SOS1: variants seen among roughly 807,000 people sequenced by gnomAD.
The protein encoded by SOS1 is SOS Ras/Rac guanine nucleotide exchange factor 1.
A neutral mutation model predicts 157.6 loss-of-function variants in SOS1; 25 were observed. That is an observed-to-expected ratio of 0.16 (90% CI 0.12 to 0.22). The LOEUF (loss-of-function observed/expected upper bound fraction) is 0.22, where lower values mean the gene tolerates loss of function less well. Among genes scored for constraint, SOS1 ranks in the 10% least tolerant of loss-of-function variants. The pLI is 1.00. For synonymous variants in SOS1, 528 were observed against 534.0 expected, an observed-to-expected ratio of 0.99 and a Z score of 0.16; for missense variants, 1,237 against 1,599.1, an observed-to-expected ratio of 0.77 and a Z score of 3.86.
chr2:39,087,742 C>T (rs1672430318), intron 1 of SOS1, among the ~76,000 whole-genome samples: 1 of 152,154 alleles, frequency 6.6e-6, no homozygotes, highest in African/African-American at 2.4e-5. Context: ...AATCTTGGTT[C>T]ACTGCAACCT....
rs564006859 is a variant in SOS1, at chr2:39,060,573, G to A, written c.214-1769C>T. Among the ~76,000 whole-genome samples the A allele has an allele frequency of 2.6e-5, 4 of 152,256 alleles. No individual in the cohort carries two copies. The South Asian group carries it at 6.2e-4, about 24-fold the overall frequency. On this transcript the variant is annotated intron_variant, in intron 2 of 22. Coordinates refer to ENST00000402219, the MANE Select transcript of SOS1 (RefSeq NM_005633.4). ...CCCAAGTAGCTGGCATTACAGGCGT[G>A]TGCTACCATGCCCAGCTAATTTTTG...
chr2:38,986,220 G>A lies in SOS1; in HGVS notation c.3606C>T (p.Thr1202=), dbSNP rs1297084560. ...YSPRYSISDR[T]SISDPPESPP... ...GGCTTTCAGGAGGGTCTGAGATAGA[G>A]GTCCGGTCTGATATTGAATATCGTG... Residue 1202 remains threonine, a synonymous_variant, in exon 23 of 23, where the codon ACC becomes ACT. Coordinates refer to ENST00000402219, the MANE Select transcript of SOS1 (RefSeq NM_005633.4). 6.2e-7 allele frequency: 1 copy of A among 1,613,776 alleles called. No individual in the cohort carries two copies. Among genetic ancestry groups the A allele is most frequent in the Non-Finnish European group, 8.5e-7 (1 of 1,179,904 alleles).
At chr2:39,119,165 A>G (rs1279119635) in intron 1 of SOS1, among the ~76,000 whole-genome samples, 1 of 152,232 alleles carries the variant, frequency 6.6e-6, no homozygotes, top group East Asian at 1.9e-4. Context: ...ATTTCTAAGG[A>G]GTAAAGTATG....
At chr2:39,005,836 T>C (rs905426489) in intron 17 of SOS1, among the ~76,000 whole-genome samples, 2 of 150,820 alleles carry the variant, frequency 1.3e-5, no homozygotes. Flanking sequence ...AAGATGAGAG[T>C]AGGAAAGAGA....
chr2:39,122,963 G>C (rs925446608), upstream of SOS1, among the ~76,000 whole-genome samples: 1 of 152,122 alleles, frequency 6.6e-6, no homozygotes, highest in Admixed American at 6.5e-5. Flanking sequence ...ATTGCTCTTA[G>C]AATACATTTC....
At chr2:39,016,488 C>T (rs1205040018) in intron 10 of SOS1, among the ~76,000 whole-genome samples, 2 of 152,080 alleles carry the variant, frequency 1.3e-5, no homozygotes, top group African/African-American at 4.8e-5. Flanking sequence ...GATTTTAATA[C>T]AGAGATTTTT....
rs138673117 is a variant in SOS1 at position 39,036,761 on chromosome 2, G to T, written c.865-1261C>A. ...GCTATTTTTTTTTGTATTTTTAGTA[G>T]AGACAGGGTTTCACCGTGTAAGCCA... On this transcript the variant is annotated intron_variant, in intron 6 of 22. Coordinates refer to ENST00000402219, the MANE Select transcript of SOS1 (RefSeq NM_005633.4). Among the ~76,000 whole-genome samples, 254 of 151,806 alleles carry T rather than the reference G, an allele frequency of 1.7e-3. 2 individuals are homozygous for T. Among genetic ancestry groups the T allele is most frequent in the African/African-American group, 5.6e-3 (232 of 41,318 alleles).
At chr2:38,990,152 T>C (rs1048754375) in intron 20 of SOS1, among the ~76,000 whole-genome samples, 1 of 151,924 alleles carries the variant, frequency 6.6e-6, no homozygotes, top group African/African-American at 2.4e-5. Flanking sequence ...GTGGTAATTT[T>C]TTTTAAATTC....
At chr2:39,009,489 C>T (rs750437300) in intron 15 of SOS1, among the ~76,000 whole-genome samples, 12 of 152,190 alleles carry the variant, frequency 7.9e-5, no homozygotes, top group South Asian at 6.2e-4. Context: ...TTTGTAAATG[C>T]GTATTTTTTT....
At chr2:39,095,872 T>C (rs949379446) in intron 1 of SOS1, among the ~76,000 whole-genome samples, 1 of 152,150 alleles carries the variant, frequency 6.6e-6, no homozygotes, top group Admixed American at 6.5e-5. Flanking sequence ...CAAAGGCAAT[T>C]AGGAAATAAT....
At chr2:39,055,226 C>A (rs999140243) in intron 4 of SOS1, among the ~76,000 whole-genome samples, 1 of 152,162 alleles carries the variant, frequency 6.6e-6, no homozygotes, top group Non-Finnish European at 1.5e-5. Flanking sequence ...GATTTTCCTA[C>A]ATTTGTTGGG....
chr2:39,083,040 G>A (rs994770645), intron 1 of SOS1, among the ~76,000 whole-genome samples: 1 of 152,174 alleles, frequency 6.6e-6, no homozygotes, highest in Non-Finnish European at 1.5e-5. Context: ...CTCAGCAGAC[G>A]TAGATAAAAT....
intron 17 of SOS1, 70 bp from the exon 18 acceptor site, chr2:38,997,495 T>G (rs1339509876): frequency 9.2e-7 from 1 of 1,084,366 alleles, no homozygotes. Flanking sequence ...TTTCATTAAT[T>G]GTGGGTATAT....
chr2:39,087,086 T>A (rs1028225389), intron 1 of SOS1, among the ~76,000 whole-genome samples: 1 of 152,282 alleles, frequency 6.6e-6, no homozygotes, highest in South Asian at 2.1e-4. Context: ...AGTGCTGGGA[T>A]TATAGGCATG....
chr2:39,006,327 A>G (rs1255184519), intron 17 of SOS1, 85 bp downstream of exon 17: 10 of 800,646 alleles, frequency 1.2e-5, no homozygotes, highest in Non-Finnish European at 2.0e-5. Context: ...CTGGCATATT[A>G]CACATGTAAT....
At chr2:39,062,718 C>T (rs904249487) in intron 2 of SOS1, among the ~76,000 whole-genome samples, 2 of 151,700 alleles carry the variant, frequency 1.3e-5, no homozygotes, top group East Asian at 3.9e-4. Flanking sequence ...CAAAGGAAAT[C>T]AGTCCAGTCA....
At chr2:39,089,849 AG>A in intron 1 of SOS1, among the ~76,000 whole-genome samples, 1 of 151,986 alleles carries the variant, frequency 6.6e-6, no homozygotes, top group East Asian at 1.9e-4. Context: ...ACTCTGGGCC[AG>A]GCACAGCGGC....
chr2:39,069,408 A>G (rs955315044), intron 1 of SOS1, among the ~76,000 whole-genome samples: 208 of 152,134 alleles, frequency 1.4e-3, no homozygotes, highest in African/African-American at 4.9e-3. Flanking sequence ...AGTATCCTAC[A>G]TAATAATTTT....
At position 38,986,124 on chromosome 2, in the gene SOS1, T is replaced by C; in HGVS notation, c.3702A>G (p.Gln1234=). 3 of 1,613,000 alleles carry C rather than the reference T, an allele frequency of 1.9e-6. No individual in the cohort carries two copies. The highest frequency in any genetic ancestry group is 1.7e-6 in the Non-Finnish European group (2 of 1,179,684). Residue 1234 remains glutamine, a synonymous_variant, in exon 23 of 23, where the codon CAA becomes CAG. Transcript: ENST00000402219. ...DVFSSSPLHL[Q]PPPLGKKSDH... ...CACTTTTTTTGCCCAAAGGGGGAGG[T>C]TGGAGATGTAGTGGTGAGCTTGAGA...
Sources: gnomAD v4.1 joint callset for allele counts (sites outside exome capture counted in the v4.1 genomes callset) on GRCh38, gnomAD v4.1.1 for gene constraint, MANE v1.5 for transcripts, NCBI Gene and HGNC (gene_info 2026-07-23, HGNC 2026-07-21) for gene names.